The following STC2 variants were observed in gnomAD, a reference collection of about 807,000 sequenced individuals.
STC2 encodes the protein stanniocalcin 2, also known as stanniocalcin-2.
In STC2, 7 loss-of-function variants were observed where a neutral mutation model predicts 22.7. That is an observed-to-expected ratio of 0.31 (90% confidence interval 0.18 to 0.58). The LOEUF is 0.58. Among genes scored for constraint, STC2 ranks in the 20% least tolerant of loss-of-function variants. The probability of loss-of-function intolerance (pLI) is 0.89; values close to 1 mark genes in which losing one functional copy is unlikely to be tolerated. For synonymous variants in STC2, 158 were observed against 163.4 expected (o/e 0.97, Z 0.25); for missense variants, 336 against 406.2 (o/e 0.83, Z 1.48).
chr5:173,317,851 C>T lies in STC2; in HGVS notation c.905G>A (p.Arg302Lys), dbSNP rs1762440913. 1 of 1,556,098 alleles carries T rather than the reference C, an allele frequency of 6.4e-7. No homozygotes were observed. Among genetic ancestry groups the T allele is most frequent in the Non-Finnish European group, 8.7e-7 (1 of 1,146,316 alleles). ...DEQSEYSDIR[R>K] ...TTCGTGGCCAGGCCTTTCATTTCACCTCCGGATATCAGAATACTCAGACTG... is the reference window on the plus strand; with the variant it reads ...TTCGTGGCCAGGCCTTTCATTTCACTTCCGGATATCAGAATACTCAGACTG... The change falls in exon 4 of 4, where the codon AGG becomes AAG. Residue 302 changes from arginine to lysine, a missense_variant. Physicochemically the swap from Arg to Lys is conservative, Grantham distance 26. Around this residue, in one of 3 missense-constraint regions of STC2, gnomAD observed 215 missense variants for 231.5 expected, o/e 0.93. Coordinates refer to ENST00000265087, the MANE Select transcript of STC2 (RefSeq NM_003714.3).
rs755368543 is a variant in STC2, at chr5:173,317,813, G to C, written c.*34C>G. ...GTCCATAGATAAGAAAATGGACGGC[G>C]TGGAGGAAAGATTTCGTGGCCAGGC... On this transcript the variant is annotated 3_prime_UTR_variant, in exon 4 of 4. Coordinates refer to ENST00000265087, the MANE Select transcript of STC2 (RefSeq NM_003714.3). 2 of 1,523,604 alleles carry C rather than the reference G, an allele frequency of 1.3e-6. No individual in the cohort carries two copies. The highest frequency in any genetic ancestry group is 1.8e-6 in the Non-Finnish European group (2 of 1,132,844). The allele number at this position is 1,523,604 out of a possible 1,614,324, so 94.4% of individuals were successfully genotyped here. A position where few individuals can be genotyped will look rare whatever the true frequency, so the allele number is the denominator to read the frequency against.
In STC2 at chr5:173,325,655, A is replaced by G. The variant is rs1006462168; in HGVS notation, c.294+213T>C. The stretch of plus-strand genomic sequence containing the variant: ...CAAGGTGTTTATCGTTTATTATGAC[A>G]TTGGTCTCCAGTCCACCCTGCCTGT... On this transcript the variant is annotated intron_variant, in intron 2 of 3. Transcript: ENST00000265087. This position sits in a 1 kb window ranked among gnomAD's most constrained non-coding sequence, Gnocchi z 4.7. 1.3e-5 allele frequency among the ~76,000 whole-genome samples: 2 copies of G among 152,144 alleles called. No homozygotes were observed. The highest frequency in any genetic ancestry group is 2.9e-5 in the Non-Finnish European group (2 of 68,026).
In STC2 at chr5:173,328,285, C is replaced by T. The variant is rs1025031636; in HGVS notation, c.-92G>A. The T allele has an allele frequency of 1.5e-6, 2 of 1,298,256 alleles. No individual in the cohort carries two copies. Among genetic ancestry groups the T allele is most frequent in the Non-Finnish European group, 2.0e-6 (2 of 994,372 alleles). The allele number at this position is 1,298,256 out of a possible 1,614,324, so 80.4% of individuals were successfully genotyped here. A position where few individuals can be genotyped will look rare whatever the true frequency, so the allele number is the denominator to read the frequency against. ...TCTTCCTCCTTCGCCGCTTCCCCTC[C>T]TCCTCCCACTCTTCCTTTTTGCTCG... On this transcript the variant is annotated 5_prime_UTR_variant, in exon 1 of 4. Transcript: ENST00000265087.
intron 1 of STC2, chr5:173,326,488 A>T (rs1402307132): frequency 6.5e-6 from 1 of 153,712 alleles, no homozygotes; most frequent in Non-Finnish European, 1.4e-5. Context: ...AAATGACAGC[A>T]TCTAAAAAGC....
intron 3 of STC2, among the ~76,000 whole-genome samples, chr5:173,321,891 A>C (rs80105395): frequency 0.014 from 2,198 of 152,380 alleles, 54 homozygotes; most frequent in African/African-American, 0.05. Context: ...AAATATTTGA[A>C]GAATAAAAAA....
rs1581140575 is a variant in STC2, at chr5:173,325,719, A to G, written c.294+149T>C. ...ATGAGTGCAGAAGGGAGACACTGGC[A>G]TAATGTTTTATACCTAGACTGTCGC... On this transcript the variant is annotated intron_variant, in intron 2 of 3. Coordinates refer to ENST00000265087, the MANE Select transcript of STC2 (RefSeq NM_003714.3). This position sits in a 1 kb window ranked among gnomAD's most constrained non-coding sequence, Gnocchi z 4.7. 1.9e-6 allele frequency: 2 copies of G among 1,074,706 alleles called. No individual in the cohort carries two copies. The highest frequency in any genetic ancestry group is 2.4e-5 in the East Asian group (1 of 42,078). The allele number at this position is 1,074,706 out of a possible 1,614,324, so 66.6% of individuals were successfully genotyped here.
rs1053087520 is a variant in STC2, at chr5:173,325,642, C to T, written c.294+226G>A. On this transcript the variant is annotated intron_variant, in intron 2 of 3. Coordinates refer to ENST00000265087, the MANE Select transcript of STC2 (RefSeq NM_003714.3). The surrounding 1 kb of genome is among the most constrained non-coding windows in gnomAD (Gnocchi z 4.7). ...GCGTGTCCCCTTACAAGGTGTTTATCGTTTATTATGACATTGGTCTCCAGT... is the reference window on the plus strand; with the variant it reads ...GCGTGTCCCCTTACAAGGTGTTTATTGTTTATTATGACATTGGTCTCCAGT... 1.3e-5 allele frequency among the ~76,000 whole-genome samples: 2 copies of T among 152,138 alleles called. No individual in the cohort carries two copies. Among genetic ancestry groups the T allele is most frequent in the Admixed American group, 6.5e-5 (1 of 15,270 alleles).
chr5:173,323,165 G>A lies in STC2; in HGVS notation c.506+54C>T, dbSNP rs1762505469. 1 of 1,575,006 alleles carries A rather than the reference G, an allele frequency of 6.3e-7. No individual in the cohort carries two copies. The highest frequency in any genetic ancestry group is 8.7e-7 in the Non-Finnish European group (1 of 1,145,828). ...ACGCGGCTCTCCTCCCATACACATTGCCATCCTTGCTGGGTGGCCCCTTCA... is the reference window on the plus strand; with the variant it reads ...ACGCGGCTCTCCTCCCATACACATTACCATCCTTGCTGGGTGGCCCCTTCA... On this transcript the variant is annotated intron_variant, in intron 3 of 3. Coordinates refer to ENST00000265087, the MANE Select transcript of STC2 (RefSeq NM_003714.3). This position sits in a 1 kb window ranked among gnomAD's most constrained non-coding sequence, Gnocchi z 5.4.
intron 3 of STC2, among the ~76,000 whole-genome samples, chr5:173,321,021 C>T (rs1279550719): frequency 1.3e-5 from 2 of 151,932 alleles, no homozygotes; most frequent in African/African-American, 4.8e-5. Context: ...AGGGGAGACC[C>T]CTGCCTAGAG....
At position 173,325,722 on chromosome 5, in the gene STC2, A is replaced by G; in HGVS notation, c.294+146T>C. On this transcript the variant is annotated intron_variant, in intron 2 of 3. Coordinates refer to ENST00000265087, the MANE Select transcript of STC2 (RefSeq NM_003714.3). The surrounding 1 kb of genome is among the most constrained non-coding windows in gnomAD (Gnocchi z 4.7). ...AGTGCAGAAGGGAGACACTGGCATA[A>G]TGTTTTATACCTAGACTGTCGCTTG... The G allele has an allele frequency of 9.0e-7, 1 of 1,113,266 alleles. No individual in the cohort carries two copies. Among genetic ancestry groups the G allele is most frequent in the East Asian group, 2.4e-5 (1 of 42,210 alleles). The allele number at this position is 1,113,266 out of a possible 1,614,324, so 69.0% of individuals were successfully genotyped here. A position where few individuals can be genotyped will look rare whatever the true frequency, so the allele number is the denominator to read the frequency against.
Position 173,323,566 on chromosome 5 carries a change from G to A in STC2, c.295-136C>T, listed in dbSNP as rs552071612. On this transcript the variant is annotated intron_variant, in intron 2 of 3. Transcript: ENST00000265087. The surrounding 1 kb of genome is among the most constrained non-coding windows in gnomAD (Gnocchi z 5.4). ...AGAACCCCAAGGCCCCACCAGAGAC[G>A]GACGTCCTCCCAGGTGACAGGCAAT... The A allele has an allele frequency of 3.2e-5, 27 of 843,326 alleles. No homozygotes were observed. The South Asian group carries it at 3.8e-4, about 12-fold the overall frequency. The allele number at this position is 843,326 out of a possible 1,614,324, so 52.2% of individuals were successfully genotyped here.
chr5:173,321,353 AC>A (rs1383865485), intron 3 of STC2, among the ~76,000 whole-genome samples: 1 of 152,142 alleles, frequency 6.6e-6, no homozygotes, highest in East Asian at 1.9e-4. Flanking sequence ...CCCATTCCCC[AC>A]CGATTCCTGA....
Position 173,323,127 on chromosome 5 carries a change from G to T in STC2, c.506+92C>A. On this transcript the variant is annotated intron_variant, in intron 3 of 3. Coordinates refer to ENST00000265087, the MANE Select transcript of STC2 (RefSeq NM_003714.3). The surrounding 1 kb of genome is among the most constrained non-coding windows in gnomAD (Gnocchi z 5.4). ...GCCTTCTCCATTTGACAGGCATTCAGCCTCTAGAAGCAACGCGGCTCTCCT... is the reference window on the plus strand; with the variant it reads ...GCCTTCTCCATTTGACAGGCATTCATCCTCTAGAAGCAACGCGGCTCTCCT... 8.1e-7 allele frequency: 1 copy of T among 1,232,572 alleles called. No homozygotes were observed. Among genetic ancestry groups the T allele is most frequent in the Non-Finnish European group, 1.2e-6 (1 of 850,648 alleles). The allele number at this position is 1,232,572 out of a possible 1,614,324, so 76.4% of individuals were successfully genotyped here.
chr5:173,326,589 C>G (rs961386591), intron 1 of STC2: 2 of 152,356 alleles, frequency 1.3e-5, no homozygotes, highest in Non-Finnish European at 2.9e-5. Context: ...ATTAAAATAC[C>G]AGCTAGGGAA....
At position 173,325,403 on chromosome 5, in the gene STC2, A is replaced by G. The variant is rs772345863; in HGVS notation, c.294+465T>C. Among the ~76,000 whole-genome samples the G allele has an allele frequency of 4.6e-5, 7 of 152,170 alleles. No individual in the cohort carries two copies. The highest frequency in any genetic ancestry group is 8.8e-5 in the Non-Finnish European group (6 of 68,020). ...TTTCGACCGGTCAGCTTGGGAGAGA[A>G]AGATCTGCTACTCAGGAGGAATAGA... On this transcript the variant is annotated intron_variant, in intron 2 of 3. Transcript: ENST00000265087. The surrounding 1 kb of genome is among the most constrained non-coding windows in gnomAD (Gnocchi z 4.7).
Position 173,317,031 on chromosome 5 carries a change from A to G in STC2, c.*816T>C, listed in dbSNP as rs1400610037. ...GGATGGGCTGGTTTTTTTTTTTTAA[A>G]CCCCCTTTGAGCTGGTTTTAATGAC... On this transcript the variant is annotated 3_prime_UTR_variant, in exon 4 of 4. Coordinates refer to ENST00000265087, the MANE Select transcript of STC2 (RefSeq NM_003714.3). 1 of 151,892 alleles carries G rather than the reference A, an allele frequency of 6.6e-6. No homozygotes were observed. The highest frequency in any genetic ancestry group is 1.5e-5 in the Non-Finnish European group (1 of 67,936). 9.4% of individuals were successfully genotyped at this position (151,892 alleles called of 1,614,324 possible). A position where few individuals can be genotyped will look rare whatever the true frequency, so the allele number is the denominator to read the frequency against.
Position 173,316,680 on chromosome 5 carries a change from G to A in STC2, c.*1167C>T, listed in dbSNP as rs1762425508. 6.6e-6 allele frequency: 1 copy of A among 152,056 alleles called. No individual in the cohort carries two copies. The highest frequency in any genetic ancestry group is 2.4e-5 in the African/African-American group (1 of 41,384). The allele number at this position is 152,056 out of a possible 1,614,324, so 9.4% of individuals were successfully genotyped here. A position where few individuals can be genotyped will look rare whatever the true frequency, so the allele number is the denominator to read the frequency against. ...GCAGTCTCCTTGATTTTATGTAAAAGGTCAGCATTTCCTGATGGGAATTAC... is the reference window on the plus strand; with the variant it reads ...GCAGTCTCCTTGATTTTATGTAAAAAGTCAGCATTTCCTGATGGGAATTAC... On this transcript the variant is annotated 3_prime_UTR_variant, in exon 4 of 4. Transcript: ENST00000265087.
chr5:173,322,459 A>C (rs1762497924), intron 3 of STC2, among the ~76,000 whole-genome samples: 1 of 152,266 alleles, frequency 6.6e-6, no homozygotes, highest in African/African-American at 2.4e-5. Context: ...TCTTGAAATA[A>C]GTAAGTTCAC....
intron 3 of STC2, among the ~76,000 whole-genome samples, chr5:173,319,318 G>A (rs1762460571): frequency 6.6e-6 from 1 of 152,170 alleles, no homozygotes; most frequent in Non-Finnish European, 1.5e-5. Context: ...ACCTCTCACT[G>A]GCCTTTAAAA....
Sources: gnomAD v4.1 joint callset for allele counts (sites outside exome capture counted in the v4.1 genomes callset) on GRCh38, gnomAD v4.1.1 for gene constraint, gnomAD v4.1.1 regional missense constraint, Gnocchi (gnomAD v3.1) non-coding constraint, MANE v1.5 for transcripts, NCBI Gene and HGNC (gene_info 2026-07-23, HGNC 2026-07-21) for gene names.